The following SGK2 variants were observed in gnomAD, a reference collection of about 807,000 sequenced individuals.
The protein encoded by SGK2 is serine/threonine-protein kinase Sgk2.
SGK2 carries 36 observed loss-of-function variants against 47.5 expected under a neutral mutation model. That is an observed-to-expected ratio of 0.76 (90% CI 0.58 to 1.00). The LOEUF is 1.00. Among genes scored for constraint, SGK2 ranks in the 50% least tolerant of loss-of-function variants. The pLI is 0.00. For missense variants in SGK2, 404 were observed against 467.4 expected, an observed-to-expected ratio of 0.86 and a Z score of 1.25; for synonymous variants, 157 against 181.9, an observed-to-expected ratio of 0.86 and a Z score of 1.10.
intron 12 of SGK2, among the ~76,000 whole-genome samples, 196 bp downstream of exon 12, chr20:43,580,257 C>T (rs1450462936): frequency 6.6e-6 from 1 of 152,214 alleles, no homozygotes; most frequent in Non-Finnish European, 1.5e-5. Flanking sequence ...CATGTTGCTG[C>T]TCCTTTGTCT....
Position 43,580,052 on chromosome 20 carries a change from C to A in SGK2, c.930C>A (p.Asn310Lys). ...ACAAGAGGCTAACTCCACCCTTCAA[C>A]CCAAATGTGGTAAGAGGTCACAGCA... ...LYHKRLTPPF[N>K]PNVTGPADLK... is the part of the protein sequence containing the mutation. Residue 310 changes from asparagine to lysine, a missense_variant, in exon 12 of 13, where the codon AAC becomes AAA. Coordinates refer to ENST00000373100, the MANE Select transcript of SGK2 (RefSeq NM_170693.3). 1.3e-6 allele frequency: 2 copies of A among 1,597,084 alleles called. No homozygotes were observed. The highest frequency in any genetic ancestry group is 8.5e-7 in the Non-Finnish European group (1 of 1,171,192).
intron 5 of SGK2, among the ~76,000 whole-genome samples, chr20:43,568,956 G>A (rs1979914900): frequency 6.6e-6 from 1 of 152,200 alleles, no homozygotes; most frequent in African/African-American, 2.4e-5. Context: ...GGAGGCAGCG[G>A]TGCAGCTGGC....
intron 6 of SGK2, 83 bp downstream of exon 6, chr20:43,569,599 T>C: frequency 6.8e-7 from 1 of 1,480,796 alleles, no homozygotes; most frequent in South Asian, 1.2e-5. Context: ...CATGCCAAGT[T>C]CTGGAATGAT....
intron 11 of SGK2, among the ~76,000 whole-genome samples, chr20:43,578,255 C>A (rs980767691): frequency 7.9e-5 from 12 of 152,024 alleles, no homozygotes; most frequent in Non-Finnish European, 1.8e-4. Context: ...GAGGCCAAGG[C>A]GGGCGGATCA....
chr20:43,580,589 ATGG>A (rs1980730171), intron 12 of SGK2, among the ~76,000 whole-genome samples: 1 of 151,776 alleles, frequency 6.6e-6, no homozygotes, highest in African/African-American at 2.4e-5. Context: ...TTAGCCAGAC[ATGG>A]TGGTGCACAC....
intron 12 of SGK2, among the ~76,000 whole-genome samples, chr20:43,580,965 T>A (rs564240103): frequency 3.9e-5 from 6 of 152,040 alleles, no homozygotes; most frequent in Middle Eastern, 3.4e-3. Flanking sequence ...AAGCTCTGCC[T>A]CCTGGGTTCA....
At chr20:43,567,487 T>C (rs549309623) in intron 3 of SGK2, among the ~76,000 whole-genome samples, 178 bp from the exon 4 acceptor site, 5 of 152,312 alleles carry the variant, frequency 3.3e-5, no homozygotes, top group African/African-American at 1.2e-4. Context: ...AGGGTGAATC[T>C]TACAAGCCCT....
rs542055228 is a variant in SGK2 at position 43,573,446 on chromosome 20, G to A, written c.597+1309G>A. On this transcript the variant is annotated intron_variant, in intron 9 of 12. Transcript: ENST00000373100. ...AGAGGTTGCAGTGAGCCGAGATCGG[G>A]TCATTGCACTCCAGCCTGGTGGACA... is the stretch of plus-strand genomic sequence containing the variant. Among the ~76,000 whole-genome samples, 515 of 144,430 alleles carry A rather than the reference G, an allele frequency of 3.6e-3. 3 individuals are homozygous for A. Among genetic ancestry groups the A allele is most frequent in the African/African-American group, 0.012 (487 of 39,142 alleles). 94.8% of individuals were successfully genotyped at this position (144,430 alleles called of 152,430 possible). A position where few individuals can be genotyped will look rare whatever the true frequency, so the allele number is the denominator to read the frequency against.
At chr20:43,567,566 T>C (rs2145535945) in intron 3 of SGK2, 99 bp from the exon 4 acceptor site, 1 of 1,100,176 alleles carries the variant, frequency 9.1e-7, no homozygotes, top group Non-Finnish European at 1.4e-6. Flanking sequence ...CTCTCTGTAT[T>C]TCCCCATTCT....
intron 6 of SGK2, 79 bp from the exon 7 acceptor site, chr20:43,570,538 G>A (rs995746491): frequency 2.1e-5 from 19 of 907,528 alleles, no homozygotes; most frequent in South Asian, 4.8e-5. Flanking sequence ...GCTCGCAGCC[G>A]CACAGGGCGG....
At chr20:43,564,581 A>T (rs1367585301) in intron 1 of SGK2, among the ~76,000 whole-genome samples, 4 of 152,174 alleles carry the variant, frequency 2.6e-5, no homozygotes, top group Non-Finnish European at 5.9e-5. Context: ...ATACACACAT[A>T]TTAATAGACA....
At chr20:43,578,867 A>G (rs1386994290) in intron 11 of SGK2, among the ~76,000 whole-genome samples, 1 of 152,176 alleles carries the variant, frequency 6.6e-6, no homozygotes, top group Non-Finnish European at 1.5e-5. Flanking sequence ...AAAAATATGT[A>G]TGACTCTTAA....
intron 12 of SGK2, 109 bp downstream of exon 12, chr20:43,580,170 G>A (rs1187783864): frequency 3.0e-6 from 2 of 666,086 alleles, no homozygotes; most frequent in Admixed American, 6.0e-5. Context: ...AAGAAGCTCA[G>A]TCATTTGTCC....
rs1241550536 is a variant in SGK2, at chr20:43,574,968, C to T, written c.657C>T (p.Cys219=). The T allele has an allele frequency of 1.2e-6, 2 of 1,613,702 alleles. No homozygotes were observed. Among genetic ancestry groups the T allele is most frequent in the Admixed American group, 1.7e-5 (1 of 60,008 alleles). ...EPYDRAVDWW[C]LGAVLYEMLH... ...ATGATCGAGCAGTGGACTGGTGGTG[C>T]TTGGGGGCAGTCCTCTACGAGATGC... Residue 219 remains cysteine, a synonymous_variant, in exon 10 of 13, where the codon TGC becomes TGT. Transcript: ENST00000373100.
intron 8 of SGK2, among the ~76,000 whole-genome samples, chr20:43,571,832 A>G (rs1980151978): frequency 1.3e-5 from 2 of 152,128 alleles, no homozygotes; most frequent in Non-Finnish European, 2.9e-5. Context: ...TGAGTTTGTG[A>G]TGAGCTGTGG....
chr20:43,572,201 A>G lies in SGK2; in HGVS notation c.597+64A>G. The stretch of plus-strand genomic sequence containing the variant: ...GGGTGAGGCCACAGCTCCTGATTAG[A>G]GCCAACAGGTTACAGTGAAGGGGAC... On this transcript the variant is annotated intron_variant, in intron 9 of 12. Coordinates refer to ENST00000373100, the MANE Select transcript of SGK2 (RefSeq NM_170693.3). This position sits in a 1 kb window ranked among gnomAD's most constrained non-coding sequence, Gnocchi z 4.2. 8.1e-7 allele frequency: 1 copy of G among 1,230,048 alleles called. No homozygotes were observed. Among genetic ancestry groups the G allele is most frequent in the South Asian group, 1.3e-5 (1 of 77,166 alleles). The allele number at this position is 1,230,048 out of a possible 1,614,324, so 76.2% of individuals were successfully genotyped here. A position where few individuals can be genotyped will look rare whatever the true frequency, so the allele number is the denominator to read the frequency against.
chr20:43,566,477 G>T lies in SGK2; in HGVS notation c.-19G>T. The T allele has an allele frequency of 6.2e-7, 1 of 1,614,074 alleles. No homozygotes were observed. On this transcript the variant is annotated 5_prime_UTR_variant, in exon 2 of 13. Transcript: ENST00000373100. ...TGCTCCTCCCTGTCCCCCCAGAGCTGCCTGATCATTGCTACAGAATGAACT... is the reference window on the plus strand; with the variant it reads ...TGCTCCTCCCTGTCCCCCCAGAGCTTCCTGATCATTGCTACAGAATGAACT...
chr20:43,573,502 A>AC (rs1326062661), intron 9 of SGK2, among the ~76,000 whole-genome samples: 5 of 151,624 alleles, frequency 3.3e-5, no homozygotes, highest in East Asian at 3.9e-4. Context: ...AAAAAAAAAA[A>AC]AAAAAAACTT....
At position 43,572,256 on chromosome 20, in the gene SGK2, A is replaced by T; in HGVS notation, c.597+119A>T. On this transcript the variant is annotated intron_variant, in intron 9 of 12. Coordinates refer to ENST00000373100, the MANE Select transcript of SGK2 (RefSeq NM_170693.3). This position sits in a 1 kb window ranked among gnomAD's most constrained non-coding sequence, Gnocchi z 4.2. ...TCCTTTGACCCAAACACTTCTCCTG[A>T]GTGGGCTATACACTGAACTGTGGTT... The T allele has an allele frequency of 1.3e-6, 1 of 741,838 alleles. No homozygotes were observed. 46.0% of individuals were successfully genotyped at this position (741,838 alleles called of 1,614,324 possible).
Sources: allele counts gnomAD v4.1 joint callset (sites outside exome capture counted in the v4.1 genomes callset), GRCh38; gene constraint gnomAD v4.1.1; non-coding constraint Gnocchi (gnomAD v3.1); transcripts MANE v1.5; gene names NCBI Gene and HGNC (gene_info 2026-07-23, HGNC 2026-07-21).